YTHDF3: variants seen among roughly 807,000 people sequenced by gnomAD.
The protein encoded by YTHDF3 is YTH N6-methyladenosine RNA binding protein F3.
Under a neutral mutation model 52.5 loss-of-function variants are expected in YTHDF3, and 9 were observed. The ratio of observed to expected loss-of-function variants is 0.17; its 90% CI spans 0.10 to 0.30. The LOEUF is 0.30. Among genes scored for constraint, YTHDF3 ranks in the 10% least tolerant of loss-of-function variants. YTHDF3 has a pLI of 1.00. For missense variants in YTHDF3, 534 were observed against 715.0 expected, an observed-to-expected ratio of 0.75 and a Z score of 2.89; for synonymous variants, 274 against 243.3, an observed-to-expected ratio of 1.13 and a Z score of -1.18.
intron 3 of YTHDF3, among the ~76,000 whole-genome samples, chr8:63,181,793 T>G (rs1048510416): frequency 6.6e-6 from 1 of 152,336 alleles, no homozygotes. Context: ...CTGGCACATA[T>G]AGCATTCATG....
At chr8:63,187,877 G>C in intron 4 of YTHDF3, 132 bp downstream of exon 4, 1 of 1,028,318 alleles carries the variant, frequency 9.7e-7, no homozygotes. Context: ...AAACACCCTT[G>C]AAGGTATCTA....
At chr8:63,196,356 G>A (rs998304481) in intron 4 of YTHDF3, among the ~76,000 whole-genome samples, 1 of 151,932 alleles carries the variant, frequency 6.6e-6, no homozygotes, top group Admixed American at 6.6e-5. Context: ...GAGGTCAGGA[G>A]TTTGAGACCA....
In YTHDF3 at chr8:63,209,990, A is replaced by T. The variant is rs950160934; in HGVS notation, c.*284A>T. On this transcript the variant is annotated 3_prime_UTR_variant, in exon 5 of 5. Transcript: ENST00000539294. ...TAATTATGCATCCTAGCTAAGGCACAGAAGACTGAATGAATGCAAGGATTC... is the reference window on the plus strand; with the variant it reads ...TAATTATGCATCCTAGCTAAGGCACTGAAGACTGAATGAATGCAAGGATTC... The T allele has an allele frequency of 6.2e-6, 2 of 324,898 alleles. No individual in the cohort carries two copies. The highest frequency in any genetic ancestry group is 1.1e-5 in the Non-Finnish European group (2 of 178,286). The allele number at this position is 324,898 out of a possible 1,614,324, so 20.1% of individuals were successfully genotyped here. A position where few individuals can be genotyped will look rare whatever the true frequency, so the allele number is the denominator to read the frequency against.
At chr8:63,206,910 A>T (rs1810069252) in intron 4 of YTHDF3, among the ~76,000 whole-genome samples, 1 of 152,008 alleles carries the variant, frequency 6.6e-6, no homozygotes, top group African/African-American at 2.4e-5. Flanking sequence ...AGGAAATGTG[A>T]TCTGTGTACT....
In YTHDF3 at chr8:63,186,882, A is replaced by T. The variant is rs1032663224; in HGVS notation, c.871A>T (p.Thr291Ser). 6.2e-7 allele frequency: 1 copy of T among 1,613,922 alleles called. No homozygotes were observed. The highest frequency in any genetic ancestry group is 2.2e-5 in the East Asian group (1 of 44,864). ...AGGGTCAGTGGTAAAGGCTCCACCA[A>T]CCCAACCAGTTCTGCCTCCTCAAAC... Reference protein sequence around the residue: ...EKGSVVKAPPTQPVLPPQTII... With the variant: ...EKGSVVKAPPSQPVLPPQTII... The change falls in exon 4 of 5, where the codon ACC (threonine) becomes TCC (serine). Residue 291 changes from threonine (T) to serine (S), a missense_variant. Transcript: ENST00000539294.
In YTHDF3 at chr8:63,187,217, C is replaced by T; in HGVS notation, c.1206C>T (p.Asn402=). ...HPVLEKLKAI[N]NYNPKDFDWN... is the part of the protein sequence containing the mutation. ...TGCTGGAAAAGCTAAAGGCCATAAACAACTATAATCCCAAAGACTTTGATT... is the reference window on the plus strand; with the variant it reads ...TGCTGGAAAAGCTAAAGGCCATAAATAACTATAATCCCAAAGACTTTGATT... The change falls in exon 4 of 5, where the codon AAC becomes AAT. Residue 402 remains asparagine, a synonymous_variant. Transcript: ENST00000539294. The T allele has an allele frequency of 6.2e-7, 1 of 1,614,034 alleles. No homozygotes were observed. The highest frequency in any genetic ancestry group is 8.5e-7 in the Non-Finnish European group (1 of 1,179,902).
chr8:63,173,543 A>G, intron 2 of YTHDF3: 1 of 492,666 alleles, frequency 2.0e-6, no homozygotes, highest in Admixed American at 6.4e-5. Flanking sequence ...GTTAGTCATA[A>G]TTTTTAAGTT....
At position 63,197,800 on chromosome 8, in the gene YTHDF3, A is replaced by C. The variant is rs114438077; in HGVS notation, c.1734+10055A>C. Among the ~76,000 whole-genome samples, 433 of 152,344 alleles carry C rather than the reference A, an allele frequency of 2.8e-3. 2 individuals are homozygous for C. The highest frequency in any genetic ancestry group is 9.6e-3 in the African/African-American group (400 of 41,578). The stretch of plus-strand genomic sequence containing the variant: ...AGAAAAAGAACTAATAAAAATCCTG[A>C]GTATATTTGTCCAGTATAAATTCAA... On this transcript the variant is annotated intron_variant, in intron 4 of 4. Coordinates refer to ENST00000539294, the MANE Select transcript of YTHDF3 (RefSeq NM_152758.6).
intron 3 of YTHDF3, among the ~76,000 whole-genome samples, chr8:63,180,594 T>A (rs1026249181): frequency 1.3e-5 from 2 of 152,180 alleles, no homozygotes; most frequent in African/African-American, 4.8e-5. Flanking sequence ...GAGGCTGCAA[T>A]CTCGGCACTT....
intron 3 of YTHDF3, among the ~76,000 whole-genome samples, chr8:63,176,198 T>C (rs1435202510): frequency 6.6e-6 from 1 of 152,212 alleles, no homozygotes; most frequent in Non-Finnish European, 1.5e-5. Context: ...GAGAGAACAT[T>C]GTGGAATGAA....
intron 4 of YTHDF3, among the ~76,000 whole-genome samples, chr8:63,202,442 G>C (rs1809698202): frequency 6.7e-6 from 1 of 148,576 alleles, no homozygotes; most frequent in Admixed American, 6.8e-5. Flanking sequence ...TTATCCATCT[G>C]TTACTGCCCT....
intron 2 of YTHDF3, among the ~76,000 whole-genome samples, chr8:63,170,298 A>T (rs1240617916): frequency 6.6e-6 from 1 of 152,196 alleles, no homozygotes; most frequent in Non-Finnish European, 1.5e-5. Flanking sequence ...GATCTATAAT[A>T]GCCTTTTAGA....
In YTHDF3 at chr8:63,186,732, A is replaced by G. The variant is rs764853148; in HGVS notation, c.721A>G (p.Ile241Val). The change falls in exon 4 of 5, where the codon ATT becomes GTT. Residue 241 changes from isoleucine to valine, a missense_variant. Ile to Val is a conservative substitution (Grantham distance 29). Coordinates refer to ENST00000539294, the MANE Select transcript of YTHDF3 (RefSeq NM_152758.6). Reference protein sequence around the residue: ...AAPKPTSWAAIARKPAKPQPK... With the variant: ...AAPKPTSWAAVARKPAKPQPK... ...ACCTAAACCAACCTCCTGGGCTGCC[A>G]TTGCCAGAAAGCCTGCCAAACCTCA... 1.9e-6 allele frequency: 3 copies of G among 1,613,846 alleles called. No individual in the cohort carries two copies. The highest frequency in any genetic ancestry group is 1.7e-6 in the Non-Finnish European group (2 of 1,179,896).
At chr8:63,208,197 T>A (rs955419460) in intron 4 of YTHDF3, among the ~76,000 whole-genome samples, 2 of 152,190 alleles carry the variant, frequency 1.3e-5, no homozygotes, top group Non-Finnish European at 2.9e-5. Context: ...AGTAGGACAT[T>A]TCTTTTGTTA....
chr8:63,168,604 AG>A (rs1807048461), upstream of YTHDF3: 1 of 584,250 alleles, frequency 1.7e-6, no homozygotes, highest in Non-Finnish European at 3.0e-6. Context: ...AAGGTCAGGG[AG>A]GCTCGGAGCG....
chr8:63,203,170 G>GA (rs1809755635), intron 4 of YTHDF3, among the ~76,000 whole-genome samples: 1 of 151,564 alleles, frequency 6.6e-6, no homozygotes, highest in Admixed American at 6.6e-5. Flanking sequence ...TTGAACCTGG[G>GA]AGGCAGAGGT....
chr8:63,186,039 T>C, intron 3 of YTHDF3, 108 bp from the exon 4 acceptor site: 1 of 1,161,688 alleles, frequency 8.6e-7, no homozygotes, highest in Non-Finnish European at 1.2e-6. Flanking sequence ...AATAGGTACA[T>C]CTTTTATTTT....
At chr8:63,201,475 A>G (rs1809640054) in intron 4 of YTHDF3, among the ~76,000 whole-genome samples, 1 of 152,086 alleles carries the variant, frequency 6.6e-6, no homozygotes, top group Non-Finnish European at 1.5e-5. Context: ...GTTAACAGTT[A>G]ACATGCATAA....
intron 4 of YTHDF3, among the ~76,000 whole-genome samples, chr8:63,190,428 A>G (rs1224828748): frequency 6.6e-6 from 1 of 152,120 alleles, no homozygotes; most frequent in Non-Finnish European, 1.5e-5. Context: ...CTGTATTATT[A>G]TATATATTGT....
Sources: gnomAD v4.1 joint callset for allele counts (sites outside exome capture counted in the v4.1 genomes callset) on GRCh38, gnomAD v4.1.1 for gene constraint, MANE v1.5 for transcripts, NCBI Gene and HGNC (gene_info 2026-07-23, HGNC 2026-07-21) for gene names.